Variants in NCOR2 observed in about 807,000 individuals in gnomAD.
The protein encoded by NCOR2 is nuclear receptor corepressor 2, also known as CTG repeat protein 26.
A neutral mutation model predicts 262.9 loss-of-function variants in NCOR2; 81 were observed. The observed-to-expected ratio is 0.31, with a 90% confidence interval of 0.26 to 0.37. The LOEUF (loss-of-function observed/expected upper bound fraction) is 0.37, where lower values mean the gene tolerates loss of function less well. Ranked by LOEUF, NCOR2 falls within the 10% of genes least tolerant of loss-of-function variation. The probability of loss-of-function intolerance (pLI) is 1.00; values close to 1 mark genes in which losing one functional copy is unlikely to be tolerated. For missense variants in NCOR2, 3,385 were observed against 3,621.4 expected, an observed-to-expected ratio of 0.93 and a Z score of 1.68; for synonymous variants, 1,659 against 1,559.3, an observed-to-expected ratio of 1.06 and a Z score of -1.51.
upstream of NCOR2, among the ~76,000 whole-genome samples, chr12:124,499,025 G>A (rs1288528330): frequency 3.9e-5 from 6 of 152,254 alleles, no homozygotes; most frequent in African/African-American, 1.4e-4. Context: ...GGGTTTTACA[G>A]GGCAGTGATG....
chr12:124,547,957 A>G (rs1057264230), intron 1 of NCOR2, among the ~76,000 whole-genome samples: 6 of 152,240 alleles, frequency 3.9e-5, no homozygotes, highest in African/African-American at 1.4e-4. Context: ...AACAACATAT[A>G]TATAAATACA....
chr12:124,334,272 T>G, intron 41 of NCOR2, 152 bp downstream of exon 43: 1 of 552,682 alleles, frequency 1.8e-6, no homozygotes, highest in Non-Finnish European at 3.2e-6. Flanking sequence ...GCTCTGTGAC[T>G]CCCCCATCTC....
intron 16 of NCOR2, among the ~76,000 whole-genome samples, chr12:124,386,384 G>T (rs767833005): frequency 2.0e-5 from 3 of 152,094 alleles, no homozygotes; most frequent in Non-Finnish European, 2.9e-5. Flanking sequence ...AGGAAGGGAC[G>T]TGGTGAGCAG....
intron 13 of NCOR2, among the ~76,000 whole-genome samples, chr12:124,417,105 G>GCCGGACAGTCACTCCATGGAGAGCAGT: frequency 7.9e-6 from 1 of 126,612 alleles, no homozygotes; most frequent in Non-Finnish European, 1.6e-5. Flanking sequence ...CGGAGAGCAG[G>GCCGGACAGTCACTCCATGGAGAGCAGT]CCGGACAGTC....
intron 22 of NCOR2, among the ~76,000 whole-genome samples, chr12:124,361,047 C>T (rs918238750): frequency 3.3e-5 from 5 of 150,794 alleles, no homozygotes; most frequent in Admixed American, 6.6e-5. Flanking sequence ...CGGTGGACCC[C>T]GGAGGCAGAG....
chr12:124,372,860 G>A (rs906516364), intron 19 of NCOR2, among the ~76,000 whole-genome samples: 3 of 152,164 alleles, frequency 2.0e-5, no homozygotes, highest in Non-Finnish European at 2.9e-5. Context: ...GCATAACCTG[G>A]TTAATTCCCA....
intron 11 of NCOR2, among the ~76,000 whole-genome samples, chr12:124,424,054 A>G (rs2043383697): frequency 6.6e-6 from 1 of 152,142 alleles, no homozygotes; most frequent in Non-Finnish European, 1.5e-5. Context: ...GATGGAAGTT[A>G]CGCCAGCCCC....
intron 12 of NCOR2, among the ~76,000 whole-genome samples, chr12:124,421,008 C>T (rs1479118800): frequency 1.3e-5 from 2 of 152,262 alleles, no homozygotes. Flanking sequence ...TAATCAGATG[C>T]CAATATTTGC....
At position 124,495,225 on chromosome 12, in the gene NCOR2, T is replaced by C. The variant is rs994962810; in HGVS notation, c.27A>G (p.Ala9=). The C allele has an allele frequency of 6.2e-7, 1 of 1,613,666 alleles. No homozygotes were observed. The change falls in exon 1 of 47, where the codon GCA becomes GCG. Residue 9 remains alanine, a synonymous_variant. Coordinates refer to ENST00000405201, the Ensembl canonical transcript of NCOR2. The surrounding 1 kb of genome is among the most constrained non-coding windows in gnomAD (Gnocchi z 4.4). The stretch of plus-strand genomic sequence containing the variant: ...GGGGCTCAGTGGCCCTCCACGTCTG[T>C]GCCACAGGCTGTGTGGATCCCGACA...
chr12:124,346,857 G>T lies in NCOR2; in HGVS notation c.4073-7C>A. On this transcript the variant is annotated splice_region_variant and splice_polypyrimidine_tract_variant and intron_variant, in intron 30 of 46. Transcript: ENST00000405201. ...ACGTAGGACCGAGGGATCCCTGCCG[G>T]GCCGACAGCACTGACCCTCACGCCC... 6.4e-7 allele frequency: 1 copy of T among 1,560,786 alleles called. No individual in the cohort carries two copies.
intron 16 of NCOR2, among the ~76,000 whole-genome samples, chr12:124,394,159 A>G (rs2041506920): frequency 6.6e-6 from 1 of 152,260 alleles, no homozygotes; most frequent in Non-Finnish European, 1.5e-5. Flanking sequence ...CTGCGCCCTA[A>G]GCTAGCGGCC....
intron 17 of NCOR2, among the ~76,000 whole-genome samples, chr12:124,384,485 G>A (rs1025184435): frequency 6.6e-6 from 1 of 152,200 alleles, no homozygotes; most frequent in Non-Finnish European, 1.5e-5. Context: ...CCAGAGGGTG[G>A]ATCTCAGCCC....
chr12:124,414,354 G>T (rs1322905795), intron 13 of NCOR2, among the ~76,000 whole-genome samples: 1 of 152,180 alleles, frequency 6.6e-6, no homozygotes, highest in Non-Finnish European at 1.5e-5. Flanking sequence ...AGTGTGTGGC[G>T]ATAGTGCTGC....
intron 45 of NCOR2, among the ~76,000 whole-genome samples, chr12:124,327,126 A>G (rs1490849865): frequency 6.6e-6 from 1 of 151,876 alleles, no homozygotes; most frequent in African/African-American, 2.4e-5. Context: ...GGAAGGCGGG[A>G]GGACTGGGGG....
In NCOR2 at chr12:124,531,056, C is replaced by G. The variant is rs1354749676; in HGVS notation, c.-118+4509G>C. Among the ~76,000 whole-genome samples, 1 of 152,204 alleles carries G rather than the reference C, an allele frequency of 6.6e-6. No homozygotes were observed. Among genetic ancestry groups the G allele is most frequent in the Non-Finnish European group, 1.5e-5 (1 of 68,030 alleles). On this transcript the variant is annotated intron_variant, in intron 1 of 46. Coordinates refer to the NCOR2 transcript ENST00000404621. This position sits in a 1 kb window ranked among gnomAD's most constrained non-coding sequence, Gnocchi z 4.5. ...GACACGGTTCCTGGGCTCCACCCAACCCGCCTCTCCCAGGGAAGCAGGGAC... is the reference window on the plus strand; with the variant it reads ...GACACGGTTCCTGGGCTCCACCCAAGCCGCCTCTCCCAGGGAAGCAGGGAC...
chr12:124,427,238 G>A (rs1299419025), intron 10 of NCOR2, among the ~76,000 whole-genome samples: 4 of 152,158 alleles, frequency 2.6e-5, no homozygotes, highest in Non-Finnish European at 5.9e-5. Flanking sequence ...GGCAGCCCAG[G>A]GGCGCAGAGA....
At position 124,482,516 on chromosome 12, in the gene NCOR2, C is replaced by G. The variant is rs2047550368; in HGVS notation, c.411+1080G>C. On this transcript the variant is annotated intron_variant, in intron 3 of 46. Transcript: ENST00000405201. The surrounding 1 kb of genome is among the most constrained non-coding windows in gnomAD (Gnocchi z 6.3). Reference sequence around the variant, plus strand: ...CGGCTCACGGGTGCCAAATAGTTCCCACGCATGGGGCCCACAGCCGAGCCC... The same window carrying G: ...CGGCTCACGGGTGCCAAATAGTTCCGACGCATGGGGCCCACAGCCGAGCCC... 6.6e-6 allele frequency among the ~76,000 whole-genome samples: 1 copy of G among 152,188 alleles called. No homozygotes were observed. The highest frequency in any genetic ancestry group is 1.5e-5 in the Non-Finnish European group (1 of 68,026).
intron 1 of NCOR2, among the ~76,000 whole-genome samples, chr12:124,554,184 CCCTTTTGCGTCTCTTT>C (rs1330809165): frequency 6.6e-6 from 1 of 152,270 alleles, no homozygotes; most frequent in Non-Finnish European, 1.5e-5. Flanking sequence ...TGCTTCAAAG[CCCTTTTGCGTCTCTTT>C]CCTGCCAGAG....
At chr12:124,499,984 A>G (rs2048608560), upstream of NCOR2, among the ~76,000 whole-genome samples, 1 of 152,120 alleles carries the variant, frequency 6.6e-6, no homozygotes, top group South Asian at 2.1e-4. Flanking sequence ...CCGAGGAAAC[A>G]GCTCGCTGCA....
Sources: allele counts gnomAD v4.1 joint callset (sites outside exome capture counted in the v4.1 genomes callset), GRCh38; gene constraint gnomAD v4.1.1; non-coding constraint Gnocchi (gnomAD v3.1); transcripts MANE v1.5; gene names NCBI Gene and HGNC (gene_info 2026-07-23, HGNC 2026-07-21).